SCN3A: variants seen among roughly 807,000 people sequenced by gnomAD.
The protein encoded by SCN3A is sodium channel protein type 3 subunit alpha.
Under a neutral mutation model 187.6 loss-of-function variants are expected in SCN3A, and 60 were observed. The ratio of observed to expected loss-of-function variants is 0.32; its 90% CI spans 0.26 to 0.40. The LOEUF (loss-of-function observed/expected upper bound fraction) is 0.40. Ranked by LOEUF, SCN3A falls within the 10% of genes least tolerant of loss-of-function variation. SCN3A has a pLI of 1.00. For missense variants in SCN3A, 1,601 were observed against 2,428.2 expected (o/e 0.66, Z 7.16); for synonymous variants, 788 against 829.2 (o/e 0.95, Z 0.85).
chr2:165,145,841 A>G (rs1439808), intron 12 of SCN3A, among the ~76,000 whole-genome samples: 32,377 of 152,024 alleles, frequency 0.21, 3,444 homozygotes, highest in East Asian at 0.31. Context: ...TTTGCAATTC[A>G]TAGCACATGA....
intron 18 of SCN3A, among the ~76,000 whole-genome samples, chr2:165,119,269 A>T (rs1686534553): frequency 6.6e-6 from 1 of 152,210 alleles, no homozygotes; most frequent in South Asian, 2.1e-4. Flanking sequence ...TCACATATTT[A>T]TCATAGGAAA....
At position 165,090,385 on chromosome 2, in the gene SCN3A, A is replaced by G. The variant is rs1295645330; in HGVS notation, c.5768T>C (p.Ile1923Thr). 8.1e-6 allele frequency: 13 copies of G among 1,612,790 alleles called. No individual in the cohort carries two copies. The African/African-American group carries it at 1.2e-4, about 15-fold the overall frequency. Residue 1923 changes from isoleucine to threonine, a missense_variant, in exon 28 of 28, where the codon ATA (isoleucine) becomes ACA (threonine). Physicochemically the swap from Ile to Thr is moderately conservative, Grantham distance 89. Transcript: ENST00000283254. The surrounding 1 kb of genome is among the most constrained non-coding windows in gnomAD (Gnocchi z 4.0). ...TGCCTCTTTGTTATAGTTACTTGAT[A>G]TATTTTTTAACCTTTGCTTTAAAAG... ...CYLLKQRLKN[I>T]SSNYNKEAIK...
intron 16 of SCN3A, 96 bp from the exon 17 acceptor site, chr2:165,130,392 G>A: frequency 7.5e-7 from 1 of 1,335,630 alleles, no homozygotes; most frequent in South Asian, 1.2e-5. Flanking sequence ...ACACGTGGTA[G>A]ATGTAAAAAC....
At position 165,128,116 on chromosome 2, in the gene SCN3A, GAA is replaced by G. The variant is rs1687106904; in HGVS notation, c.2923-17_2923-16del. The G allele has an allele frequency of 1.9e-6, 3 of 1,577,444 alleles. No individual in the cohort carries two copies. The East Asian group carries it at 6.8e-5, about 36-fold the overall frequency. Reference sequence around the variant, plus strand: ...AGGTTCAGAACCTAAAAGAAAAAAAGAAAAATGTCTATTTTAATATTGAAATA... The same window carrying G: ...AGGTTCAGAACCTAAAAGAAAAAAAGAAATGTCTATTTTAATATTGAAATA... On this transcript the variant is annotated splice_polypyrimidine_tract_variant and intron_variant, in intron 17 of 27. Coordinates refer to ENST00000283254, the MANE Select transcript of SCN3A (RefSeq NM_006922.4).
intron 7 of SCN3A, 27 bp downstream of exon 7, chr2:165,163,591 A>G: frequency 6.2e-7 from 1 of 1,611,990 alleles, no homozygotes; most frequent in Non-Finnish European, 8.5e-7. Flanking sequence ...AATTAAAGTC[A>G]ACCTCGGTGT....
rs142961154 is a variant in SCN3A at position 165,158,080 on chromosome 2, T to G, written c.1032-2177A>C. ...TAGAAACCAAGATCTGAGTGCTAGCTGTGTTTGTTGCTACTGGGGTGTCAT... is the reference window on the plus strand; with the variant it reads ...TAGAAACCAAGATCTGAGTGCTAGCGGTGTTTGTTGCTACTGGGGTGTCAT... On this transcript the variant is annotated intron_variant, in intron 9 of 27. Coordinates refer to ENST00000283254, the MANE Select transcript of SCN3A (RefSeq NM_006922.4). Among the ~76,000 whole-genome samples the G allele has an allele frequency of 8.2e-3, 1,243 of 152,320 alleles. 18 individuals are homozygous for G. Among genetic ancestry groups the G allele is most frequent in the African/African-American group, 0.028 (1,169 of 41,570 alleles).
At chr2:165,122,952 A>G (rs1686781233) in intron 18 of SCN3A, 1 of 152,162 alleles carries the variant, frequency 6.6e-6, no homozygotes, top group Non-Finnish European at 1.5e-5. Context: ...ATATTGCTAG[A>G]TTGTGTTTGG....
intron 15 of SCN3A, among the ~76,000 whole-genome samples, chr2:165,134,710 A>G (rs1460024101): frequency 1.3e-5 from 2 of 152,110 alleles, no homozygotes; most frequent in Non-Finnish European, 2.9e-5. Flanking sequence ...TGCCTGGTAA[A>G]TGTAAAATAA....
At chr2:165,121,698 A>C (rs1281046359) in intron 18 of SCN3A, among the ~76,000 whole-genome samples, 1 of 152,204 alleles carries the variant, frequency 6.6e-6, no homozygotes, top group South Asian at 2.1e-4. Context: ...AGAAGCCTTG[A>C]AAACTGCCCA....
chr2:165,183,909 GGA>G (rs1485450791), intron 2 of SCN3A, among the ~76,000 whole-genome samples: 2 of 152,156 alleles, frequency 1.3e-5, no homozygotes, highest in Non-Finnish European at 1.5e-5. Flanking sequence ...TCTTTGAGAA[GGA>G]GAGTGTGAGT....
At chr2:165,098,416 A>G (rs1370744530) in intron 22 of SCN3A, among the ~76,000 whole-genome samples, 1 of 152,210 alleles carries the variant, frequency 6.6e-6, no homozygotes, top group East Asian at 1.9e-4. Context: ...GGAATCTTAA[A>G]TTGACATCAA....
chr2:165,151,709 C>T (rs1688693100), intron 11 of SCN3A, among the ~76,000 whole-genome samples: 3 of 152,106 alleles, frequency 2.0e-5, no homozygotes, highest in South Asian at 4.1e-4. Context: ...GTTCACAAAA[C>T]AGGGTACCAC....
At chr2:165,169,329 T>C (rs1277630341) in intron 4 of SCN3A, among the ~76,000 whole-genome samples, 2 of 151,976 alleles carry the variant, frequency 1.3e-5, no homozygotes, top group Non-Finnish European at 2.9e-5. Flanking sequence ...CCTTTACAAT[T>C]TATAGCATAA....
chr2:165,181,929 T>C (rs1690903006), intron 2 of SCN3A, among the ~76,000 whole-genome samples: 1 of 152,206 alleles, frequency 6.6e-6, no homozygotes, highest in Non-Finnish European at 1.5e-5. Context: ...ATGTACTGCT[T>C]CATCAGAGAT....
At chr2:165,170,589 G>C (rs778307036) in intron 3 of SCN3A, 41 bp from the exon 4 acceptor site, 1 of 1,194,294 alleles carries the variant, frequency 8.4e-7, no homozygotes, top group Non-Finnish European at 1.3e-6. Context: ...AATTAGACAT[G>C]GGCTTATTTA....
rs777243416 is a variant in SCN3A, at chr2:165,092,393, T to A, written c.4668A>T (p.Leu1556=). Reference sequence around the variant, plus strand: ...ACACTAGGTTGATCCGGGACAAAACTAGGGTCATGTATTTGCCCTGGTCAT... The same window carrying A: ...ACACTAGGTTGATCCGGGACAAAACAAGGGTCATGTATTTGCCCTGGTCAT... ...ETDDQGKYMT[L]VLSRINLVFI... The change falls in exon 27 of 28, where the codon CTA becomes CTT. Residue 1556 remains leucine (L), a synonymous_variant. Coordinates refer to ENST00000283254, the MANE Select transcript of SCN3A (RefSeq NM_006922.4). The surrounding 1 kb of genome is among the most constrained non-coding windows in gnomAD (Gnocchi z 4.2). 6.2e-7 allele frequency: 1 copy of A among 1,613,982 alleles called. No homozygotes were observed.
chr2:165,109,705 T>A (rs1404004003), intron 21 of SCN3A, among the ~76,000 whole-genome samples: 3 of 152,186 alleles, frequency 2.0e-5, no homozygotes, highest in African/African-American at 7.2e-5. Context: ...CATAGCCAGA[T>A]ATGATCATTT....
Position 165,162,638 on chromosome 2 carries a change from A to G in SCN3A, c.885T>C (p.Phe295=), listed in dbSNP as rs754129622. 15 of 1,614,028 alleles carry G rather than the reference A, an allele frequency of 9.3e-6. No individual in the cohort carries two copies. The highest frequency in any genetic ancestry group is 1.3e-5 in the Non-Finnish European group (15 of 1,180,014). The change falls in exon 8 of 28, where the codon TTT becomes TTC. Residue 295 remains phenylalanine (F), a synonymous_variant. Coordinates refer to ENST00000283254, the MANE Select transcript of SCN3A (RefSeq NM_006922.4). ...TCCCATTTGAATCCATTGTGCCATT[A>G]AAGTAGGAAGTGGTGTTGGTTTCAA... ...SAFETNTTSY[F]NGTMDSNGTF...
intron 15 of SCN3A, among the ~76,000 whole-genome samples, chr2:165,137,395 T>C (rs1487199311): frequency 6.6e-6 from 1 of 152,186 alleles, no homozygotes; most frequent in Non-Finnish European, 1.5e-5. Flanking sequence ...AAATCACAAA[T>C]GCAAATTTAG....
Sources: allele counts gnomAD v4.1 joint callset (sites outside exome capture counted in the v4.1 genomes callset), GRCh38; gene constraint gnomAD v4.1.1; non-coding constraint Gnocchi (gnomAD v3.1); transcripts MANE v1.5; gene names NCBI Gene and HGNC (gene_info 2026-07-23, HGNC 2026-07-21).